The following SLC8A1 variants were observed in gnomAD, a reference collection of about 807,000 sequenced individuals.
The protein encoded by SLC8A1 is sodium/calcium exchanger 1.
SLC8A1 carries 18 observed loss-of-function variants against 68.3 expected under a neutral mutation model. That is an observed-to-expected ratio of 0.26 (90% confidence interval 0.18 to 0.39). The LOEUF (loss-of-function observed/expected upper bound fraction) is 0.39. Ranked by LOEUF, SLC8A1 falls within the 10% of genes least tolerant of loss-of-function variation. The probability of loss-of-function intolerance (pLI) is 1.00; values close to 1 mark genes in which losing one functional copy is unlikely to be tolerated. For synonymous variants in SLC8A1, 475 were observed against 415.5 expected, an observed-to-expected ratio of 1.14 and a Z score of -1.74; for missense variants, 985 against 1,156.7, an observed-to-expected ratio of 0.85 and a Z score of 2.15.
chr2:40,434,747 T>C (rs189292939), intron 1 of SLC8A1, among the ~76,000 whole-genome samples: 7 of 152,224 alleles, frequency 4.6e-5, no homozygotes, highest in East Asian at 1.9e-4. Flanking sequence ...TATCTTCTGA[T>C]CACTATTTAT....
At chr2:40,178,535 A>C (rs900260819) in intron 2 of SLC8A1, 42 bp from the exon 3 acceptor site, 1 of 1,497,518 alleles carries the variant, frequency 6.7e-7, no homozygotes, top group African/African-American at 1.4e-5. Flanking sequence ...GGGAAGAGGA[A>C]AGAGAAGAGA....
At chr2:40,234,007 G>A (rs1178371461) in intron 2 of SLC8A1, among the ~76,000 whole-genome samples, 1 of 152,112 alleles carries the variant, frequency 6.6e-6, no homozygotes, top group Non-Finnish European at 1.5e-5. Context: ...TAGCCTTGTA[G>A]TATATAGTTT....
chr2:40,400,858 C>T (rs375645798), intron 2 of SLC8A1, among the ~76,000 whole-genome samples: 1 of 152,208 alleles, frequency 6.6e-6, no homozygotes, highest in Admixed American at 6.5e-5. Flanking sequence ...CCCAGAGAGC[C>T]AGTTCTCCGT....
intron 2 of SLC8A1, among the ~76,000 whole-genome samples, chr2:40,299,494 T>G (rs1319731292): frequency 1.3e-5 from 2 of 152,002 alleles, no homozygotes; most frequent in East Asian, 3.9e-4. Context: ...CTGGAAGATC[T>G]GTTCTGAAAC....
chr2:40,430,068 A>G lies in SLC8A1; in HGVS notation c.213T>C (p.Phe71=), dbSNP rs369628597. Residue 71 remains phenylalanine (F), a synonymous_variant, in exon 2 of 8, where the codon TTT becomes TTC. Coordinates refer to ENST00000406785, the Ensembl canonical transcript of SLC8A1. ...CAGTAGCTCTAGCAATTTTGTCCCC[A>G]AAAGAAGGGTCTTGGGGTTCCCAAA... 9.9e-5 allele frequency: 159 copies of G among 1,613,932 alleles called. No individual in the cohort carries two copies. In the Middle Eastern group the frequency reaches 9.9e-4, roughly 10 times the overall value.
chr2:40,195,231 A>C (rs1481499560), intron 2 of SLC8A1, among the ~76,000 whole-genome samples: 1 of 152,120 alleles, frequency 6.6e-6, no homozygotes, highest in African/African-American at 2.4e-5. Context: ...TTTGTTTCTG[A>C]GTATCTGGAA....
chr2:40,236,470 C>T (rs2060388748), intron 2 of SLC8A1, among the ~76,000 whole-genome samples: 1 of 152,062 alleles, frequency 6.6e-6, no homozygotes. Context: ...TTCCTCCATC[C>T]TTTTATTTTG....
intron 2 of SLC8A1, among the ~76,000 whole-genome samples, chr2:40,291,286 A>G (rs764110716): frequency 6.6e-6 from 1 of 151,508 alleles, no homozygotes; most frequent in African/African-American, 2.4e-5. Context: ...AAAGTGTTCA[A>G]TCAGTGATTT....
rs78255059 is a variant in SLC8A1, at chr2:40,414,991, T to G, written c.1808+13482A>C. On this transcript the variant is annotated intron_variant, in intron 2 of 7. Transcript: ENST00000406785. Reference sequence around the variant, plus strand: ...TATGTCATCTAGATATCAAAGAGAATGAAATACATGGCTCAGAAATTTGTT... The same window carrying G: ...TATGTCATCTAGATATCAAAGAGAAGGAAATACATGGCTCAGAAATTTGTT... Among the ~76,000 whole-genome samples the G allele has an allele frequency of 7.2e-5, 11 of 152,310 alleles. No individual in the cohort carries two copies. The East Asian group carries it at 2.1e-3, about 29-fold the overall frequency.
intron 1 of SLC8A1, among the ~76,000 whole-genome samples, chr2:40,467,512 G>T: frequency 1.3e-5 from 2 of 152,010 alleles, no homozygotes; most frequent in African/African-American, 4.8e-5. Flanking sequence ...AAAAACATTG[G>T]CAGCTGCTAT....
intron 2 of SLC8A1, among the ~76,000 whole-genome samples, chr2:40,203,888 T>C (rs576424282): frequency 2.0e-4 from 30 of 151,768 alleles, no homozygotes; most frequent in Non-Finnish European, 2.1e-4. Flanking sequence ...AATTAAAAAT[T>C]TTTTTTTTGT....
chr2:40,183,468 TAA>T (rs909138690), intron 2 of SLC8A1, among the ~76,000 whole-genome samples: 23 of 152,184 alleles, frequency 1.5e-4, no homozygotes, highest in African/African-American at 5.6e-4. Flanking sequence ...AAGGTTTAAT[TAA>T]AAAGAGCGAT....
At chr2:40,464,013 G>C (rs1703507849) in intron 1 of SLC8A1, among the ~76,000 whole-genome samples, 1 of 152,026 alleles carries the variant, frequency 6.6e-6, no homozygotes. Flanking sequence ...TCCTGTCTCA[G>C]CCTCCTGAGT....
intron 5 of SLC8A1, among the ~76,000 whole-genome samples, chr2:40,161,470 A>C (rs2045674948): frequency 6.6e-6 from 1 of 152,164 alleles, no homozygotes; most frequent in Non-Finnish European, 1.5e-5. Flanking sequence ...ACAAAAATAC[A>C]AGAAAAGTTC....
At chr2:40,207,490 G>A (rs1574059938) in intron 2 of SLC8A1, among the ~76,000 whole-genome samples, 1 of 151,538 alleles carries the variant, frequency 6.6e-6, no homozygotes, top group East Asian at 1.9e-4. Flanking sequence ...CATGATTACA[G>A]TTTCATAAAA....
chr2:40,352,937 C>G (rs1029574534), intron 2 of SLC8A1, among the ~76,000 whole-genome samples: 1 of 152,014 alleles, frequency 6.6e-6, no homozygotes, highest in African/African-American at 2.4e-5. Context: ...CTACGAGAAA[C>G]CAGGGAGGGT....
intron 2 of SLC8A1, among the ~76,000 whole-genome samples, chr2:40,269,106 T>G (rs144044911): frequency 5.1e-4 from 78 of 152,312 alleles, no homozygotes; most frequent in African/African-American, 1.8e-3. Context: ...TAAAAAGTAG[T>G]GAGTGTTCAT....
intron 7 of SLC8A1, among the ~76,000 whole-genome samples, chr2:40,137,353 T>A (rs1027864554): frequency 2.0e-5 from 3 of 152,172 alleles, no homozygotes; most frequent in African/African-American, 7.2e-5. Flanking sequence ...ACAAGAGATG[T>A]ATTTGGTTGG....
intron 1 of SLC8A1, among the ~76,000 whole-genome samples, chr2:40,485,510 G>A (rs188160893): frequency 3.4e-4 from 51 of 152,210 alleles, no homozygotes; most frequent in Non-Finnish European, 2.8e-4. Flanking sequence ...ACTTTTAAAC[G>A]TCTGGGGATG....
Sources: gnomAD v4.1 joint callset for allele counts (sites outside exome capture counted in the v4.1 genomes callset) on GRCh38, gnomAD v4.1.1 for gene constraint, MANE v1.5 for transcripts, NCBI Gene and HGNC (gene_info 2026-07-23, HGNC 2026-07-21) for gene names.